TMEM230: variants seen among roughly 807,000 people sequenced by gnomAD.
TMEM230 encodes the protein UPF0414 transmembrane protein C20orf30.
Under a neutral mutation model 15.8 loss-of-function variants are expected in TMEM230, and 10 were observed. The observed-to-expected ratio is 0.63, with a 90% CI of 0.39 to 1.07. The LOEUF (loss-of-function observed/expected upper bound fraction) is 1.07, where lower values mean the gene tolerates loss of function less well. Among genes scored for constraint, TMEM230 ranks in the 50% least tolerant of loss-of-function variants. The pLI is 0.01. For missense variants in TMEM230, 165 were observed against 193.3 expected (o/e 0.85, Z 0.87); for synonymous variants, 67 against 76.9 (o/e 0.87, Z 0.68).
At chr20:5,080,468 C>T (rs760668356) in intron 3 of TMEM230, among the ~76,000 whole-genome samples, 1 of 152,204 alleles carries the variant, frequency 6.6e-6, no homozygotes, top group Non-Finnish European at 1.5e-5. Context: ...CTGGCAGCAG[C>T]TAGCGTGTTC....
chr20:5,076,968 A>G (rs1297375150), intron 3 of TMEM230, among the ~76,000 whole-genome samples: 1 of 147,040 alleles, frequency 6.8e-6, no homozygotes, highest in Non-Finnish European at 1.5e-5. Flanking sequence ...GTGAGCCACC[A>G]TGCCCAGTCA....
chr20:5,066,535 G>A (rs2088654861), downstream of TMEM230, among the ~76,000 whole-genome samples: 1 of 151,988 alleles, frequency 6.6e-6, no homozygotes, highest in Admixed American at 6.6e-5. Flanking sequence ...AGCTGGGTGT[G>A]GTGGCGTATG....
intron 3 of TMEM230, among the ~76,000 whole-genome samples, chr20:5,078,843 GCA>G (rs1293633891): frequency 6.6e-6 from 1 of 151,272 alleles, no homozygotes; most frequent in Admixed American, 6.6e-5. Context: ...AGGCTGGACT[GCA>G]GTGGTGTGAT....
rs577612873 is a variant in TMEM230, at chr20:5,086,974, A to C, written c.223-17625T>G. On this transcript the variant is annotated intron_variant, in intron 3 of 3. Coordinates refer to the TMEM230 transcript ENST00000612323. ...TTGGAGCCTCGACCTCCCAGGCTCA[A>C]GCAATCATCCCGCCTCAGCCTTCCA... 2.6e-5 allele frequency among the ~76,000 whole-genome samples: 4 copies of C among 152,256 alleles called. No homozygotes were observed. The East Asian group carries it at 7.7e-4, about 29-fold the overall frequency.
chr20:5,101,831 T>C (rs2089879121), intron 4 of TMEM230, among the ~76,000 whole-genome samples: 1 of 152,176 alleles, frequency 6.6e-6, no homozygotes, highest in Non-Finnish European at 1.5e-5. Context: ...ACCAACTACT[T>C]TAGGTTTCTA....
chr20:5,064,664 T>A (rs750768500), downstream of TMEM230, among the ~76,000 whole-genome samples: 6 of 151,968 alleles, frequency 3.9e-5, no homozygotes, highest in Non-Finnish European at 8.8e-5. Flanking sequence ...AAAGGAAGTA[T>A]AAGCAAAAAT....
At chr20:5,081,873 C>CTTTT (rs10547417) in intron 3 of TMEM230, among the ~76,000 whole-genome samples, 1 of 43,834 alleles carries the variant, frequency 2.3e-5, no homozygotes, top group African/African-American at 4.9e-5. Flanking sequence ...TCTTTTTTTT[C>CTTTT]TTTTTTTTTT....
At chr20:5,102,333 A>T (rs1012343021) in intron 4 of TMEM230, among the ~76,000 whole-genome samples, 1 of 152,222 alleles carries the variant, frequency 6.6e-6, no homozygotes, top group Non-Finnish European at 1.5e-5. Context: ...GCCATAATAA[A>T]AAGTCTCTTA....
rs374605576 is a variant in TMEM230 at position 5,113,015 on chromosome 20, G to C, written c.14C>G (p.Ala5Gly). 3 of 1,548,998 alleles carry C rather than the reference G, an allele frequency of 1.9e-6. No individual in the cohort carries two copies. Residue 5 changes from alanine to glycine, a missense_variant, in exon 1 of 5, where the codon GCG (alanine) becomes GGG (glycine). Ala to Gly is a moderately conservative substitution (Grantham distance 60). Transcript: ENST00000342308. ...CCAGAGCTCGCCCACGGTTGGCAGC[G>C]CCCAAGGTTGCATGGCATGGCCCGC... is the stretch of plus-strand genomic sequence containing the variant.
intron 3 of TMEM230, among the ~76,000 whole-genome samples, chr20:5,082,589 C>T (rs891880377): frequency 1.3e-5 from 2 of 151,748 alleles, no homozygotes; most frequent in Non-Finnish European, 2.9e-5. Flanking sequence ...ATTACAGGTG[C>T]CCACCACCAC....
chr20:5,084,309 C>T (rs1007809504), intron 3 of TMEM230, among the ~76,000 whole-genome samples: 2 of 151,562 alleles, frequency 1.3e-5, no homozygotes, highest in Non-Finnish European at 1.5e-5. Flanking sequence ...CTGCAACCTC[C>T]ACCTCTTGGG....
chr20:5,106,134 T>C, intron 4 of TMEM230, 54 bp downstream of exon 3: 1 of 1,561,676 alleles, frequency 6.4e-7, no homozygotes, highest in Non-Finnish European at 8.7e-7. Context: ...CACTAGAGCC[T>C]TGGCTAACAT....
chr20:5,077,772 T>G (rs1281696197), intron 3 of TMEM230, among the ~76,000 whole-genome samples: 4 of 151,462 alleles, frequency 2.6e-5, no homozygotes, highest in Non-Finnish European at 5.9e-5. Context: ...AGGCAGAGGT[T>G]GCAGTGAGCT....
At position 5,113,038 on chromosome 20, in the gene TMEM230, C is replaced by A; in HGVS notation, c.-10G>T. On this transcript the variant is annotated 5_prime_UTR_variant, in exon 1 of 5. Transcript: ENST00000342308. The stretch of plus-strand genomic sequence containing the variant: ...GCGCCCAAGGTTGCATGGCATGGCC[C>A]GCTTAAGTGCCACTCAGCCGGCCCC... 1 of 1,545,406 alleles carries A rather than the reference C, an allele frequency of 6.5e-7. No homozygotes were observed. Among genetic ancestry groups the A allele is most frequent in the Non-Finnish European group, 8.7e-7 (1 of 1,146,550 alleles).
intron 3 of TMEM230, among the ~76,000 whole-genome samples, chr20:5,075,707 A>T (rs1054025373): frequency 3.3e-5 from 5 of 152,100 alleles, no homozygotes; most frequent in Non-Finnish European, 5.9e-5. Flanking sequence ...CCTGGGCGAA[A>T]GAGAGAAACT....
downstream of TMEM230, among the ~76,000 whole-genome samples, chr20:5,063,591 C>T (rs908084681): frequency 1.3e-5 from 2 of 151,826 alleles, no homozygotes; most frequent in Admixed American, 6.6e-5. Flanking sequence ...GGCCGGCCTG[C>T]TATGAAATAC....
At chr20:5,060,842 T>C in the TMEM230 span, among the ~76,000 whole-genome samples, 621 of 152,326 alleles carry the variant, frequency 4.1e-3, 10 homozygotes, top group African/African-American at 0.014. Flanking sequence ...TGGGTCTTGG[T>C]GCACATGTGC....
rs775027715 is a variant in TMEM230, at chr20:5,106,177, C to T, written c.411+11G>A. On this transcript the variant is annotated intron_variant, in intron 4 of 4. Coordinates refer to ENST00000342308, the MANE Select transcript of TMEM230 (RefSeq NM_001009923.2). ...ATCTCACAACTTATTCCCACATGCC[C>T]GTCAGCTTACCCCTTTGCTGATGTA... is the stretch of plus-strand genomic sequence containing the variant. 5 of 1,601,842 alleles carry T rather than the reference C, an allele frequency of 3.1e-6. No individual in the cohort carries two copies. Among genetic ancestry groups the T allele is most frequent in the African/African-American group, 1.4e-5 (1 of 73,812 alleles).
At chr20:5,072,361 C>T (rs951678068) in intron 3 of TMEM230, among the ~76,000 whole-genome samples, 82 of 152,088 alleles carry the variant, frequency 5.4e-4, no homozygotes, top group African/African-American at 8.0e-4. Context: ...CAGCCCCTTT[C>T]GAATCAAGTA....
Sources: gnomAD v4.1 joint callset for allele counts (sites outside exome capture counted in the v4.1 genomes callset) on GRCh38, gnomAD v4.1.1 for gene constraint, MANE v1.5 for transcripts, NCBI Gene and HGNC (gene_info 2026-07-23, HGNC 2026-07-21) for gene names.